Variants in PCMTD1 observed in about 807,000 individuals in gnomAD.
PCMTD1 encodes protein-L-isoaspartate (D-aspartate) O-methyltransferase domain containing 1.
In PCMTD1, 12 loss-of-function variants were observed where a neutral mutation model predicts 37.6. The ratio of observed to expected loss-of-function variants is 0.32; its 90% confidence interval spans 0.20 to 0.52. The LOEUF (loss-of-function observed/expected upper bound fraction) is 0.52, where lower values mean the gene tolerates loss of function less well. PCMTD1 is among the 20% of genes least tolerant of loss of function. The pLI is 0.97. For synonymous variants in PCMTD1, 117 were observed against 135.8 expected (o/e 0.86, Z 0.96); for missense variants, 235 against 421.3 (o/e 0.56, Z 3.87).
chr8:51,868,958 T>C (rs1180491745), intron 1 of PCMTD1, among the ~76,000 whole-genome samples: 4 of 152,292 alleles, frequency 2.6e-5, no homozygotes, highest in African/African-American at 4.8e-5. Flanking sequence ...ATACTGTATA[T>C]ATTGTTCAGG....
chr8:51,895,906 A>G (rs2038992537), intron 1 of PCMTD1: 1 of 150,380 alleles, frequency 6.6e-6, no homozygotes, highest in African/African-American at 2.5e-5. Flanking sequence ...ACAACTGACC[A>G]TACTTTATTA....
At chr8:51,895,868 A>G (rs1158563240) in intron 1 of PCMTD1, 1 of 146,254 alleles carries the variant, frequency 6.8e-6, no homozygotes, top group Non-Finnish European at 1.5e-5. Flanking sequence ...CTTTTCCTGT[A>G]TTTTTGGTTT....
intron 1 of PCMTD1, among the ~76,000 whole-genome samples, chr8:51,862,356 A>ACAC (rs759441619): frequency 7.2e-6 from 1 of 139,696 alleles, no homozygotes; most frequent in Non-Finnish European, 1.5e-5. Context: ...TTTTATACAC[A>ACAC]TACACACACA....
intron 5 of PCMTD1, chr8:51,826,818 T>C (rs2037927597): frequency 1.6e-5 from 11 of 672,578 alleles, no homozygotes; most frequent in Non-Finnish European, 1.8e-5. Context: ...AAACAATGCA[T>C]CTTTCTTTTT....
chr8:51,875,376 G>A (rs1167047929), intron 1 of PCMTD1, among the ~76,000 whole-genome samples: 1 of 152,052 alleles, frequency 6.6e-6, no homozygotes, highest in Non-Finnish European at 1.5e-5. Flanking sequence ...GTATTATCTA[G>A]ACTAAATCCA....
At chr8:51,823,926 T>C (rs1055236879) in intron 5 of PCMTD1, among the ~76,000 whole-genome samples, 2 of 152,062 alleles carry the variant, frequency 1.3e-5, no homozygotes, top group African/African-American at 4.8e-5. Context: ...ATCACATAAA[T>C]AGAACCAATG....
At chr8:51,838,828 C>A (rs1203824067) in intron 3 of PCMTD1, among the ~76,000 whole-genome samples, 5 of 151,980 alleles carry the variant, frequency 3.3e-5, no homozygotes, top group Non-Finnish European at 7.4e-5. Context: ...AATAATACTA[C>A]ACTATTTATA....
intron 1 of PCMTD1, among the ~76,000 whole-genome samples, chr8:51,877,442 T>G (rs1456095351): frequency 6.6e-6 from 1 of 152,234 alleles, no homozygotes; most frequent in African/African-American, 2.4e-5. Context: ...CAATGTTTGC[T>G]TGGATTCAGT....
intron 5 of PCMTD1, among the ~76,000 whole-genome samples, chr8:51,830,374 G>A (rs1352703438): frequency 2.6e-5 from 4 of 152,178 alleles, no homozygotes; most frequent in Admixed American, 6.5e-5. Context: ...ACTCAAACAC[G>A]GTGAAAGGAA....
intron 1 of PCMTD1, among the ~76,000 whole-genome samples, chr8:51,881,721 C>A (rs2038795273): frequency 6.6e-6 from 1 of 152,016 alleles, no homozygotes; most frequent in Non-Finnish European, 1.5e-5. Context: ...ACCCATTTTA[C>A]AAAGAAAAAA....
At chr8:51,895,042 T>C (rs950687) in intron 1 of PCMTD1, among the ~76,000 whole-genome samples, 30,253 of 152,144 alleles carry the variant, frequency 0.2, 4,715 homozygotes, top group African/African-American at 0.42. Flanking sequence ...GATACACAAG[T>C]GGAAGCCTGA....
At chr8:51,875,998 G>A (rs1349178515) in intron 1 of PCMTD1, among the ~76,000 whole-genome samples, 8 of 152,018 alleles carry the variant, frequency 5.3e-5, no homozygotes, top group African/African-American at 1.7e-4. Context: ...GCACGCATGC[G>A]TGTGTTATCA....
At chr8:51,899,106 G>A (rs753366737), upstream of PCMTD1, 19 of 1,452,488 alleles carry the variant, frequency 1.3e-5, 1 homozygote, top group African/African-American at 7.4e-5. Flanking sequence ...GCCGGGGTCC[G>A]GGCATGCGCA....
At position 51,833,566 on chromosome 8, in the gene PCMTD1, T is replaced by C. The variant is rs750348463; in HGVS notation, c.534A>G (p.Lys178=). The C allele has an allele frequency of 1.2e-6, 2 of 1,612,908 alleles. No homozygotes were observed. The highest frequency in any genetic ancestry group is 2.2e-5 in the East Asian group (1 of 44,790). Residue 178 remains lysine, a synonymous_variant, in exon 4 of 6, where the codon AAA becomes AAG. Coordinates refer to ENST00000522514, the MANE Select transcript of PCMTD1 (RefSeq NM_052937.4). ...ATATGCCTCCAACTTTTAGTAATAT[T>C]TTCATGTAGTTTTCATGGTCTTTCT... ...GVQKDHENYM[K]ILLKVGGILV...
At chr8:51,848,274 G>A (rs958000095) in intron 2 of PCMTD1, among the ~76,000 whole-genome samples, 3 of 151,282 alleles carry the variant, frequency 2.0e-5, no homozygotes, top group Non-Finnish European at 4.4e-5. Context: ...GCAACAGAGT[G>A]AGACCGTGTC....
At chr8:51,864,655 T>C (rs1416983342) in intron 1 of PCMTD1, among the ~76,000 whole-genome samples, 1 of 151,986 alleles carries the variant, frequency 6.6e-6, no homozygotes, top group Non-Finnish European at 1.5e-5. Context: ...AATAAAGATA[T>C]CTTGAGACAA....
chr8:51,824,970 T>C (rs894172504), intron 5 of PCMTD1, among the ~76,000 whole-genome samples: 2 of 152,052 alleles, frequency 1.3e-5, no homozygotes, highest in African/African-American at 2.4e-5. Flanking sequence ...ATAAATGGTG[T>C]TGGGAAAACT....
chr8:51,860,896 T>G lies in PCMTD1; in HGVS notation c.256A>C (p.Asn86His), dbSNP rs1424911123. 1 of 1,613,850 alleles carries G rather than the reference T, an allele frequency of 6.2e-7. No individual in the cohort carries two copies. The highest frequency in any genetic ancestry group is 8.5e-7 in the Non-Finnish European group (1 of 1,179,898). ...LKLQPGLSFLNLGSGTGYLST... is the reference protein window; with the variant it reads ...LKLQPGLSFLHLGSGTGYLST... Reference sequence around the variant, plus strand: ...AAATATCCGGTTCCACTTCCCAGGTTAAGAAAAGACAATCCTGGTTGAAGT... The same window carrying G: ...AAATATCCGGTTCCACTTCCCAGGTGAAGAAAAGACAATCCTGGTTGAAGT... The change falls in exon 2 of 6, where the codon AAC becomes CAC. Residue 86 changes from asparagine to histidine, a missense_variant. Asn to His is a moderately conservative substitution (Grantham distance 68, BLOSUM62 1). Coordinates refer to ENST00000522514, the MANE Select transcript of PCMTD1 (RefSeq NM_052937.4).
chr8:51,898,823 T>C, intron 1 of PCMTD1, 107 bp downstream of exon 1: 13 of 1,060,804 alleles, frequency 1.2e-5, no homozygotes, highest in Non-Finnish European at 1.5e-5. Context: ...TCGGCTGCCG[T>C]CCCCCTGGCC....
Sources: allele counts gnomAD v4.1 joint callset (sites outside exome capture counted in the v4.1 genomes callset), GRCh38; gene constraint gnomAD v4.1.1; transcripts MANE v1.5; gene names NCBI Gene and HGNC (gene_info 2026-07-23, HGNC 2026-07-21).